The following IGF2BP3 variants were observed in gnomAD, a reference collection of about 807,000 sequenced individuals.
The protein encoded by IGF2BP3 is insulin like growth factor 2 mRNA binding protein 3, also known as insulin-like growth factor 2 mRNA-binding protein 3.
In IGF2BP3, 9 loss-of-function variants were observed where a neutral mutation model predicts 73.8. The ratio of observed to expected loss-of-function variants is 0.12; its 90% CI spans 0.07 to 0.21. The LOEUF (loss-of-function observed/expected upper bound fraction) is 0.21. Among genes scored for constraint, IGF2BP3 ranks in the 10% least tolerant of loss-of-function variants. IGF2BP3 has a pLI of 1.00. For missense variants in IGF2BP3, 542 were observed against 714.0 expected (o/e 0.76, Z 2.75); for synonymous variants, 258 against 256.7 (o/e 1.01, Z -0.05).
rs1479635394 is a variant in IGF2BP3, at chr7:23,310,285, A to G, written c.*2077T>C. ...AAGCTGCATTTGGGGCACATTATAC[A>G]TGAGGAATGATCCATATATGGTGAG... On this transcript the variant is annotated 3_prime_UTR_variant, in exon 15 of 15. Transcript: ENST00000258729. The G allele has an allele frequency of 1.3e-5, 2 of 152,262 alleles. No individual in the cohort carries two copies. Among genetic ancestry groups the G allele is most frequent in the Non-Finnish European group, 2.9e-5 (2 of 68,044 alleles). 9.4% of individuals were successfully genotyped at this position (152,262 alleles called of 1,614,324 possible).
intron 3 of IGF2BP3, among the ~76,000 whole-genome samples, chr7:23,409,186 C>T (rs924595651): frequency 6.6e-6 from 1 of 152,182 alleles, no homozygotes; most frequent in African/African-American, 2.4e-5. Flanking sequence ...TGTGGTACAG[C>T]CCAGTTCCTA....
intron 2 of IGF2BP3, among the ~76,000 whole-genome samples, chr7:23,448,962 G>A (rs2128547625): frequency 6.6e-6 from 1 of 152,202 alleles, no homozygotes; most frequent in Non-Finnish European, 1.5e-5. Flanking sequence ...CTGGGCTCAA[G>A]CAATCCTCTG....
intron 3 of IGF2BP3, among the ~76,000 whole-genome samples, chr7:23,399,396 AAAATT>A (rs1215648413): frequency 7.1e-6 from 1 of 141,040 alleles, no homozygotes; most frequent in Non-Finnish European, 1.6e-5. Flanking sequence ...TAATAATAAT[AAAATT>A]AAATTAAATT....
intron 3 of IGF2BP3, among the ~76,000 whole-genome samples, chr7:23,384,412 TG>T (rs1396629321): frequency 6.6e-6 from 1 of 152,182 alleles, no homozygotes; most frequent in Non-Finnish European, 1.5e-5. Flanking sequence ...TAAAAACCAC[TG>T]ATTTGTACAC....
rs565729472 is a variant in IGF2BP3, at chr7:23,422,097, A to G, written c.237-3273T>C. On this transcript the variant is annotated intron_variant, in intron 2 of 14. Coordinates refer to ENST00000258729, the MANE Select transcript of IGF2BP3 (RefSeq NM_006547.3). ...GCCTGGCCCTATTCTGTTTTAATCA[A>G]GTATCTAACACAGTAAGGATTAGCA... Among the ~76,000 whole-genome samples the G allele has an allele frequency of 3.2e-4, 48 of 152,240 alleles. No individual in the cohort carries two copies. The East Asian group carries it at 8.7e-3, about 28-fold the overall frequency.
At chr7:23,335,181 T>A (rs1310883558) in intron 10 of IGF2BP3, among the ~76,000 whole-genome samples, 1 of 150,596 alleles carries the variant, frequency 6.6e-6, no homozygotes, top group Non-Finnish European at 1.5e-5. Context: ...TACTTAGAAA[T>A]TGTTTACCAA....
chr7:23,371,201 G>A (rs868023473), intron 3 of IGF2BP3, among the ~76,000 whole-genome samples: 17 of 151,878 alleles, frequency 1.1e-4, no homozygotes, highest in African/African-American at 4.1e-4. Flanking sequence ...CAAAGCCAAT[G>A]TCAGTCATTG....
At chr7:23,350,454 C>A (rs920382075) in intron 6 of IGF2BP3, among the ~76,000 whole-genome samples, 1 of 152,194 alleles carries the variant, frequency 6.6e-6, no homozygotes, top group African/African-American at 2.4e-5. Flanking sequence ...CCTCGTAGCA[C>A]GTTACGGAGC....
intron 3 of IGF2BP3, among the ~76,000 whole-genome samples, chr7:23,386,612 C>T (rs559954045): frequency 2.0e-5 from 3 of 152,276 alleles, no homozygotes; most frequent in East Asian, 1.9e-4. Flanking sequence ...GAAGATTGAA[C>T]AGATCTCCAA....
chr7:23,443,579 G>A (rs1405463357), intron 2 of IGF2BP3, among the ~76,000 whole-genome samples: 1 of 152,054 alleles, frequency 6.6e-6, no homozygotes, highest in Non-Finnish European at 1.5e-5. Flanking sequence ...GCTGAGGCAG[G>A]GGAATCTCTT....
intron 2 of IGF2BP3, among the ~76,000 whole-genome samples, chr7:23,419,080 G>A (rs924047400): frequency 2.0e-5 from 3 of 152,176 alleles, no homozygotes; most frequent in Admixed American, 6.5e-5. Context: ...CAGATAGAAT[G>A]TTTAAAACAC....
intron 3 of IGF2BP3, among the ~76,000 whole-genome samples, chr7:23,412,413 A>C (rs916470513): frequency 6.6e-6 from 1 of 152,240 alleles, no homozygotes; most frequent in African/African-American, 2.4e-5. Flanking sequence ...TAAAACCAAG[A>C]AACGTTCTGA....
At chr7:23,468,422 GTCTC>G (rs1788620843) in intron 2 of IGF2BP3, 56 bp downstream of exon 2, 2 of 1,553,556 alleles carry the variant, frequency 1.3e-6, no homozygotes, top group African/African-American at 2.7e-5. Context: ...TCTCAGCTGA[GTCTC>G]TCCACCCAAT....
chr7:23,313,374 C>A, intron 13 of IGF2BP3, 148 bp downstream of exon 13: 1 of 812,124 alleles, frequency 1.2e-6, no homozygotes, highest in Non-Finnish European at 1.9e-6. Context: ...AACACTCAGA[C>A]AGGAAACAAA....
intron 3 of IGF2BP3, among the ~76,000 whole-genome samples, chr7:23,363,301 C>T (rs200866126): frequency 6.6e-6 from 1 of 152,168 alleles, no homozygotes. Flanking sequence ...TGCTGGAGTG[C>T]AGTGGCACGA....
intron 6 of IGF2BP3, among the ~76,000 whole-genome samples, chr7:23,348,499 A>G (rs1315971248): frequency 2.0e-5 from 3 of 152,214 alleles, no homozygotes; most frequent in Non-Finnish European, 2.9e-5. Context: ...CTTGTGACTC[A>G]AGAACTGTAT....
intron 3 of IGF2BP3, among the ~76,000 whole-genome samples, chr7:23,378,862 G>A (rs555998877): frequency 3.9e-5 from 6 of 152,180 alleles, no homozygotes; most frequent in South Asian, 2.1e-4. Flanking sequence ...GTGAGCCACC[G>A]TGCCTGGCCT....
At chr7:23,388,797 G>C (rs964984761) in intron 3 of IGF2BP3, among the ~76,000 whole-genome samples, 15 of 152,164 alleles carry the variant, frequency 9.9e-5, no homozygotes, top group African/African-American at 3.6e-4. Context: ...GGGGTTACAA[G>C]TGGGTCCTCA....
intron 2 of IGF2BP3, among the ~76,000 whole-genome samples, chr7:23,420,696 G>A (rs1305489231): frequency 6.6e-6 from 1 of 151,958 alleles, no homozygotes; most frequent in Non-Finnish European, 1.5e-5. Flanking sequence ...ATCCCTTCGA[G>A]AACAACAAAG....
Sources: allele counts gnomAD v4.1 joint callset (sites outside exome capture counted in the v4.1 genomes callset), GRCh38; gene constraint gnomAD v4.1.1; transcripts MANE v1.5; gene names NCBI Gene and HGNC (gene_info 2026-07-23, HGNC 2026-07-21).